Variants in DHRSX observed in about 807,000 individuals in gnomAD.
The protein encoded by DHRSX is dehydrogenase/reductase X-linked.
DHRSX carries 31 observed loss-of-function variants against 34.0 expected under a neutral mutation model. The ratio of observed to expected loss-of-function variants is 0.91; its 90% CI spans 0.69 to 1.23. The LOEUF (loss-of-function observed/expected upper bound fraction) is 1.23. Ranked by LOEUF, DHRSX falls within the 50% of genes most tolerant of loss-of-function variation. The probability of loss-of-function intolerance (pLI) is 0.00; values close to 1 mark genes in which losing one functional copy is unlikely to be tolerated. For synonymous variants in DHRSX, 201 were observed against 183.8 expected, an observed-to-expected ratio of 1.09 and a Z score of -0.76; for missense variants, 414 against 428.1, an observed-to-expected ratio of 0.97 and a Z score of 0.29.
chrX:2,498,147 A>G (rs1286532327), intron 1 of DHRSX, among the ~76,000 whole-genome samples: 1 of 152,180 alleles, frequency 6.6e-6, no homozygotes, highest in Non-Finnish European at 1.5e-5. Flanking sequence ...CTTCCTTCTC[A>G]TACCATGTAA....
At chrX:2,233,221 C>T (rs372756958) in intron 6 of DHRSX, among the ~76,000 whole-genome samples, 10 of 152,234 alleles carry the variant, frequency 6.6e-5, no homozygotes, top group South Asian at 6.2e-4. Flanking sequence ...GGCTGACAGA[C>T]GCTGTCTTCC....
chrX:2,446,875 G>A (rs182527434), intron 1 of DHRSX, among the ~76,000 whole-genome samples: 38 of 152,170 alleles, frequency 2.5e-4, no homozygotes, highest in African/African-American at 8.2e-4. Context: ...CCAAGGGACC[G>A]TTGCAGTGTA....
intron 5 of DHRSX, among the ~76,000 whole-genome samples, chrX:2,250,668 T>C (rs937694551): frequency 2.0e-5 from 3 of 152,126 alleles, no homozygotes; most frequent in African/African-American, 7.2e-5. Context: ...TTGGCTGGCT[T>C]TACCACAACC....
At chrX:2,415,018 G>A (rs1174462886) in intron 2 of DHRSX, among the ~76,000 whole-genome samples, 11 of 148,194 alleles carry the variant, frequency 7.4e-5, no homozygotes, top group Non-Finnish European at 1.2e-4. Flanking sequence ...AACTCATCAC[G>A]ACCTAACTAG....
At chrX:2,497,285 CG>C (rs2045309050) in intron 1 of DHRSX, among the ~76,000 whole-genome samples, 1 of 151,814 alleles carries the variant, frequency 6.6e-6, no homozygotes, top group South Asian at 2.1e-4. Flanking sequence ...CCCAGCTACT[CG>C]GGAGGCTGAG....
At chrX:2,412,008 A>G (rs6642077) in intron 2 of DHRSX, among the ~76,000 whole-genome samples, 7,818 of 152,238 alleles carry the variant, frequency 0.051, 257 homozygotes, top group Middle Eastern at 0.13. Flanking sequence ...TCTTTGGCCA[A>G]TGTCACCTTC....
At chrX:2,387,904 CA>C (rs557047764) in intron 3 of DHRSX, among the ~76,000 whole-genome samples, 146 of 73,932 alleles carry the variant, frequency 2.0e-3, no homozygotes, top group South Asian at 0.018. Flanking sequence ...CCCTCCCCTG[CA>C]AAAAAAAAAA....
chrX:2,477,992 C>T (rs1181232772), intron 1 of DHRSX, among the ~76,000 whole-genome samples: 1 of 152,218 alleles, frequency 6.6e-6, no homozygotes, highest in Non-Finnish European at 1.5e-5. Context: ...TATAAAGAAA[C>T]ACACTAGAAG....
intron 3 of DHRSX, among the ~76,000 whole-genome samples, chrX:2,402,601 CCTCAGCAT>C (rs1336388547): frequency 6.6e-6 from 1 of 152,206 alleles, no homozygotes; most frequent in Non-Finnish European, 1.5e-5. Context: ...CCCAGCTGGG[CCTCAGCAT>C]CATCTATCAA....
At chrX:2,403,809 T>C (rs2043518646) in intron 3 of DHRSX, among the ~76,000 whole-genome samples, 1 of 145,100 alleles carries the variant, frequency 6.9e-6, no homozygotes, top group South Asian at 2.2e-4. Context: ...TGAGCCGAGA[T>C]CACACCACTG....
chrX:2,410,986 C>A (rs1366566771), intron 2 of DHRSX, among the ~76,000 whole-genome samples: 1 of 152,106 alleles, frequency 6.6e-6, no homozygotes, highest in Non-Finnish European at 1.5e-5. Context: ...AGTCCTTTGG[C>A]ACTGAGGAGG....
At chrX:2,274,569 A>G (rs1276948014) in intron 4 of DHRSX, among the ~76,000 whole-genome samples, 2 of 149,366 alleles carry the variant, frequency 1.3e-5, no homozygotes, top group Non-Finnish European at 3.0e-5. Flanking sequence ...GGTGTGCACC[A>G]CAACACCCGG....
intron 3 of DHRSX, among the ~76,000 whole-genome samples, chrX:2,342,154 T>C (rs1055832258): frequency 1.3e-5 from 2 of 152,134 alleles, no homozygotes; most frequent in Non-Finnish European, 2.9e-5. Flanking sequence ...AAGAGCTTCC[T>C]CTAGTCCTTG....
chrX:2,243,788 GTTTTTTTTTTTTTTTTTTTTTT>G (rs778957532), intron 5 of DHRSX, among the ~76,000 whole-genome samples: 2 of 25,182 alleles, frequency 7.9e-5, no homozygotes, highest in East Asian at 1.9e-3. Flanking sequence ...TATGCTCCCT[GTTTTTTTTTTTTTTTTTTTTTT>G]TTTTTTTTTT....
intron 1 of DHRSX, among the ~76,000 whole-genome samples, chrX:2,448,272 G>A (rs1163693615): frequency 6.6e-6 from 1 of 152,166 alleles, no homozygotes. Context: ...GTTGGAGGCT[G>A]CAGTGAGCTA....
At chrX:2,392,449 C>T (rs748363901) in intron 3 of DHRSX, 35 of 301,748 alleles carry the variant, frequency 1.2e-4, no homozygotes, top group South Asian at 8.4e-4. Flanking sequence ...AAAGCCAGCC[C>T]GGGCAACACA....
intron 3 of DHRSX, among the ~76,000 whole-genome samples, chrX:2,397,856 C>T (rs918981494): frequency 6.6e-6 from 1 of 151,904 alleles, no homozygotes; most frequent in South Asian, 2.1e-4. Context: ...GCCGGCAAGT[C>T]GGCGGCAAGT....
intron 3 of DHRSX, among the ~76,000 whole-genome samples, chrX:2,324,979 C>A (rs1232053041): frequency 6.7e-6 from 1 of 149,808 alleles, no homozygotes; most frequent in Non-Finnish European, 1.5e-5. Flanking sequence ...CGCGGTTTCA[C>A]TGGTCAGGCT....
intron 5 of DHRSX, among the ~76,000 whole-genome samples, chrX:2,259,355 G>T (rs868473140): frequency 2.7e-5 from 3 of 112,756 alleles, no homozygotes; most frequent in African/African-American, 9.6e-5. Context: ...TAGATATATA[G>T]ATAGATATAG....
Sources: gnomAD v4.1 joint callset for allele counts (sites outside exome capture counted in the v4.1 genomes callset) on GRCh38, gnomAD v4.1.1 for gene constraint, MANE v1.5 for transcripts, NCBI Gene and HGNC (gene_info 2026-07-23, HGNC 2026-07-21) for gene names.